PTPRD: variants seen among roughly 807,000 people sequenced by gnomAD.
PTPRD encodes receptor-type tyrosine-protein phosphatase delta.
Under a neutral mutation model 214.5 loss-of-function variants are expected in PTPRD, and 34 were observed. The observed-to-expected ratio is 0.16, with a 90% confidence interval of 0.12 to 0.21. The LOEUF (loss-of-function observed/expected upper bound fraction) is 0.21. PTPRD is among the 10% of genes least tolerant of loss of function. The pLI, the probability that PTPRD is intolerant of heterozygous loss-of-function variation, is 1.00. For synonymous variants in PTPRD, 1,128 were observed against 845.7 expected, an observed-to-expected ratio of 1.33 and a Z score of -5.79; for missense variants, 2,545 against 2,398.7, an observed-to-expected ratio of 1.06 and a Z score of -1.27.
chr9:9,694,235 C>G (rs937939318), intron 7 of PTPRD, among the ~76,000 whole-genome samples: 2 of 151,642 alleles, frequency 1.3e-5, no homozygotes, highest in African/African-American at 2.4e-5. Flanking sequence ...TCTGCCTGTC[C>G]TTCTTGGGAA....
intron 8 of PTPRD, among the ~76,000 whole-genome samples, chr9:9,560,328 A>G (rs1476869059): frequency 6.6e-6 from 1 of 152,236 alleles, no homozygotes; most frequent in African/African-American, 2.4e-5. Flanking sequence ...GCGAGCCTGC[A>G]AGAACATATG....
At chr9:9,275,851 G>T (rs1358254689) in intron 9 of PTPRD, among the ~76,000 whole-genome samples, 4 of 151,190 alleles carry the variant, frequency 2.6e-5, no homozygotes, top group African/African-American at 9.7e-5. Context: ...GTGTGTGTGT[G>T]TGTGTGTGTT....
At chr9:10,251,431 AG>A (rs1256117450) in intron 3 of PTPRD, among the ~76,000 whole-genome samples, 1 of 151,862 alleles carries the variant, frequency 6.6e-6, no homozygotes, top group African/African-American at 2.4e-5. Flanking sequence ...CCTAGTGAGT[AG>A]GATTATCAGA....
chr9:10,542,757 T>G (rs2059392060), intron 2 of PTPRD, among the ~76,000 whole-genome samples: 1 of 152,074 alleles, frequency 6.6e-6, no homozygotes, highest in Non-Finnish European at 1.5e-5. Flanking sequence ...TCACTCTTGT[T>G]GCCCAGGCTG....
intron 7 of PTPRD, among the ~76,000 whole-genome samples, chr9:9,646,621 C>A (rs1356302397): frequency 6.6e-6 from 1 of 152,042 alleles, no homozygotes; most frequent in Non-Finnish European, 1.5e-5. Flanking sequence ...AATATGCCTT[C>A]TTCCTCCTCT....
At chr9:10,086,453 C>A (rs934038317) in intron 3 of PTPRD, among the ~76,000 whole-genome samples, 1 of 151,752 alleles carries the variant, frequency 6.6e-6, no homozygotes, top group East Asian at 1.9e-4. Context: ...AAACTATTGC[C>A]TGTCTCAGTG....
chr9:8,366,038 C>T (rs2079784761), intron 39 of PTPRD, among the ~76,000 whole-genome samples: 2 of 152,214 alleles, frequency 1.3e-5, no homozygotes, highest in Admixed American at 1.3e-4. Flanking sequence ...CTGCCAACTC[C>T]TGTGGCACAC....
At chr9:8,357,483 G>C (rs2077265757) in intron 39 of PTPRD, among the ~76,000 whole-genome samples, 1 of 152,164 alleles carries the variant, frequency 6.6e-6, no homozygotes, top group Non-Finnish European at 1.5e-5. Flanking sequence ...ACCGAGGGCT[G>C]AATTCATCAA....
At chr9:9,462,302 T>C (rs891066505) in intron 8 of PTPRD, among the ~76,000 whole-genome samples, 1 of 152,154 alleles carries the variant, frequency 6.6e-6, no homozygotes, top group Non-Finnish European at 1.5e-5. Flanking sequence ...CAGTGAACTA[T>C]GCAGCCAAGA....
At chr9:8,794,564 C>G (rs765802) in intron 11 of PTPRD, among the ~76,000 whole-genome samples, 110,422 of 148,946 alleles carry the variant, frequency 0.74, 41,442 homozygotes, top group African/African-American at 0.86. Context: ...GGCTGGACTC[C>G]AACTCTTGGG....
At chr9:9,483,658 T>G (rs756137174) in intron 8 of PTPRD, among the ~76,000 whole-genome samples, 6 of 152,080 alleles carry the variant, frequency 3.9e-5, no homozygotes, top group Non-Finnish European at 8.8e-5. Flanking sequence ...TAGGTAGCAC[T>G]TGCAGTGAGT....
At chr9:9,335,228 A>G (rs1296917125) in intron 9 of PTPRD, among the ~76,000 whole-genome samples, 1 of 152,082 alleles carries the variant, frequency 6.6e-6, no homozygotes, top group Non-Finnish European at 1.5e-5. Context: ...ATTGCAGTTC[A>G]TATTACATTA....
chr9:9,039,149 A>G (rs2099631452), intron 10 of PTPRD, among the ~76,000 whole-genome samples: 1 of 152,192 alleles, frequency 6.6e-6, no homozygotes, highest in Non-Finnish European at 1.5e-5. Context: ...ACAAAGCTAT[A>G]CCTTAAACAG....
intron 7 of PTPRD, among the ~76,000 whole-genome samples, chr9:9,589,369 T>C (rs1021176444): frequency 6.6e-6 from 1 of 151,902 alleles, no homozygotes; most frequent in African/African-American, 2.4e-5. Flanking sequence ...TTTTAAAAGG[T>C]TCTTGTTAAC....
At chr9:10,033,515 G>C (rs2097122998) in intron 4 of PTPRD, among the ~76,000 whole-genome samples, 1 of 151,734 alleles carries the variant, frequency 6.6e-6, no homozygotes, top group South Asian at 2.1e-4. Context: ...ATATCTATAA[G>C]TTTTAATATC....
At chr9:9,598,434 A>C (rs760281158) in intron 7 of PTPRD, among the ~76,000 whole-genome samples, 1 of 151,984 alleles carries the variant, frequency 6.6e-6, no homozygotes, top group Non-Finnish European at 1.5e-5. Flanking sequence ...CCATTGCCCT[A>C]CTTCAGAATC....
chr9:10,399,412 T>C (rs935965084), intron 2 of PTPRD, among the ~76,000 whole-genome samples: 3 of 152,010 alleles, frequency 2.0e-5, no homozygotes, highest in African/African-American at 7.2e-5. Context: ...AGTATATTTT[T>C]ATTCAAAAAA....
intron 4 of PTPRD, among the ~76,000 whole-genome samples, chr9:9,950,798 G>C (rs12345011): frequency 0.022 from 3,093 of 137,978 alleles, 129 homozygotes; most frequent in Non-Finnish European, 0.036. Context: ...TTATACCCCT[G>C]AATCAATAAT....
At chr9:10,119,915 A>G (rs1262699154) in intron 3 of PTPRD, among the ~76,000 whole-genome samples, 1 of 152,052 alleles carries the variant, frequency 6.6e-6, no homozygotes, top group African/African-American at 2.4e-5. Context: ...TCCAACGAAG[A>G]CAGGCATTTT....
Sources: gnomAD v4.1 joint callset for allele counts (sites outside exome capture counted in the v4.1 genomes callset) on GRCh38, gnomAD v4.1.1 for gene constraint, MANE v1.5 for transcripts, NCBI Gene and HGNC (gene_info 2026-07-23, HGNC 2026-07-21) for gene names.